SHC2: variants seen among roughly 807,000 people sequenced by gnomAD.
The protein encoded by SHC2 is SHC adaptor protein 2.
SHC2 carries 62 observed loss-of-function variants against 60.6 expected under a neutral mutation model. That is an observed-to-expected ratio of 1.02 (90% confidence interval 0.83 to 1.26). The LOEUF (loss-of-function observed/expected upper bound fraction) is 1.26, where lower values mean the gene tolerates loss of function less well. Among genes scored for constraint, SHC2 ranks in the 50% most tolerant of loss-of-function variants. SHC2 has a pLI of 0.00. For missense variants in SHC2, 873 were observed against 822.2 expected (o/e 1.06, Z -0.76); for synonymous variants, 375 against 372.4 (o/e 1.01, Z -0.08).
rs1391093273 is a variant in SHC2 at position 424,615 on chromosome 19, C to T, written c.1309+482G>A. Among the ~76,000 whole-genome samples, 2 of 152,148 alleles carry T rather than the reference C, an allele frequency of 1.3e-5. No individual in the cohort carries two copies. Among genetic ancestry groups the T allele is most frequent in the Non-Finnish European group, 2.9e-5 (2 of 68,026 alleles). On this transcript the variant is annotated intron_variant, in intron 10 of 12. Coordinates refer to ENST00000264554, the MANE Select transcript of SHC2 (RefSeq NM_012435.3). This position sits in a 1 kb window ranked among gnomAD's most constrained non-coding sequence, Gnocchi z 4.5. ...GAGGGCCTCACAGACGGGGCCGCAGCCTCCCACCACACTGACCATTCTTTC... is the reference window on the plus strand; with the variant it reads ...GAGGGCCTCACAGACGGGGCCGCAGTCTCCCACCACACTGACCATTCTTTC...
At chr19:437,079 A>G (rs1406712389) in intron 4 of SHC2, among the ~76,000 whole-genome samples, 1 of 151,512 alleles carries the variant, frequency 6.6e-6, no homozygotes, top group East Asian at 1.9e-4. Flanking sequence ...ACGGCCCCAC[A>G]CTCCTGACTC....
rs372572912 is a variant in SHC2 at position 417,989 on chromosome 19, G to A, written c.*6-667C>T. On this transcript the variant is annotated intron_variant, in intron 12 of 12. Coordinates refer to ENST00000264554, the MANE Select transcript of SHC2 (RefSeq NM_012435.3). ...CCCTGCCGGCCCTCCCTCCTCCCCG[G>A]CTGCTCTCTCAGCCTTCACTCCCTC... is the stretch of plus-strand genomic sequence containing the variant. Among the ~76,000 whole-genome samples the A allele has an allele frequency of 3.1e-4, 47 of 152,112 alleles. 1 individual carries two copies. The East Asian group carries it at 8.5e-3, about 28-fold the overall frequency.
Position 441,012 on chromosome 19 carries a change from C to T in SHC2, c.469-80G>A, listed in dbSNP as rs1009463353. On this transcript the variant is annotated intron_variant, in intron 1 of 12. Coordinates refer to ENST00000264554, the MANE Select transcript of SHC2 (RefSeq NM_012435.3). This position sits in a 1 kb window ranked among gnomAD's most constrained non-coding sequence, Gnocchi z 4.9. ...GTCCCTTTTCCCAGCAGCCCTTCGC[C>T]GCCTCCACCACCCCTGGGGTCGAGC... 2.3e-5 allele frequency: 36 copies of T among 1,544,884 alleles called. No individual in the cohort carries two copies. The African/African-American group carries it at 3.3e-4, about 14-fold the overall frequency.
At chr19:428,497 C>T (rs1185951128) in intron 9 of SHC2, among the ~76,000 whole-genome samples, 1 of 152,122 alleles carries the variant, frequency 6.6e-6, no homozygotes, top group Non-Finnish European at 1.5e-5. Flanking sequence ...TGATGTTTGC[C>T]CCATGGACAC....
rs1975252800 is a variant in SHC2, at chr19:453,549, G to A, written c.468+6980C>T. Among the ~76,000 whole-genome samples the A allele has an allele frequency of 6.6e-6, 1 of 152,142 alleles. No individual in the cohort carries two copies. The highest frequency in any genetic ancestry group is 6.5e-5 in the Admixed American group (1 of 15,272). On this transcript the variant is annotated intron_variant, in intron 1 of 12. Transcript: ENST00000264554. The surrounding 1 kb of genome is among the most constrained non-coding windows in gnomAD (Gnocchi z 6.3). Reference sequence around the variant, plus strand: ...GGTCTTCCAAAATGCTGGATTACAGGCGTGAGCCACCACGCCCGGCCAGAA... The same window carrying A: ...GGTCTTCCAAAATGCTGGATTACAGACGTGAGCCACCACGCCCGGCCAGAA...
At position 422,204 on chromosome 19, in the gene SHC2, AG is replaced by A; in HGVS notation, c.1561del (p.Leu521SerfsTer34). The stretch of plus-strand genomic sequence containing the variant: ...GGGCTGCCCGGCGTGCATGCCGGTG[AG>A]GACATACTGCCCGGGGTTGGTGACG... Reference protein sequence around the residue: ...DSVTNPGQYVLTGMHAGQPKH... With the variant: ...DSVTNPGQYVXTGMHAGQPKH... On this transcript the variant is annotated frameshift_variant, in exon 11 of 13. Coordinates refer to ENST00000264554, the MANE Select transcript of SHC2 (RefSeq NM_012435.3). LOFTEE classifies it high-confidence loss of function. This position sits in a 1 kb window ranked among gnomAD's most constrained non-coding sequence, Gnocchi z 5.0. 6.2e-7 allele frequency: 1 copy of A among 1,612,630 alleles called. No homozygotes were observed. The highest frequency in any genetic ancestry group is 8.5e-7 in the Non-Finnish European group (1 of 1,179,700).
At chr19:421,397 CAAAAAAAA>C (rs10582067) in intron 11 of SHC2, among the ~76,000 whole-genome samples, 1 of 120,148 alleles carries the variant, frequency 8.3e-6, no homozygotes, top group Non-Finnish European at 1.7e-5. Flanking sequence ...GAGACTCCAT[CAAAAAAAA>C]AAAAAAAAAA....
chr19:440,088 A>AACGCCATGCTCAGTGAGAG lies in SHC2; in HGVS notation c.539+755_539+773dup, dbSNP rs59080675. ...GGCCACAGCGCGGACACACCTCGGG[A>AACGCCATGCTCAGTGAGAG]ACGCCATGCTCAGTGAGAGACGCCA... On this transcript the variant is annotated intron_variant, in intron 2 of 12. Transcript: ENST00000264554. This position sits in a 1 kb window ranked among gnomAD's most constrained non-coding sequence, Gnocchi z 7.0. Among the ~76,000 whole-genome samples, 26,127 of 148,636 alleles carry AACGCCATGCTCAGTGAGAG rather than the reference A, an allele frequency of 0.18. 5,094 individuals are homozygous for AACGCCATGCTCAGTGAGAG. Among genetic ancestry groups the AACGCCATGCTCAGTGAGAG allele is most frequent in the African/African-American group, 0.46 (18,131 of 39,090 alleles).
chr19:418,359 G>A (rs1600266817), intron 12 of SHC2, among the ~76,000 whole-genome samples: 4 of 152,352 alleles, frequency 2.6e-5, no homozygotes, highest in Admixed American at 6.5e-5. Flanking sequence ...ATGGCTGCAC[G>A]CTGCCACCCT....
Position 436,192 on chromosome 19 carries a change from G to A in SHC2, c.926C>T (p.Pro309Leu), listed in dbSNP as rs117558087. 38 of 1,609,970 alleles carry A rather than the reference G, an allele frequency of 2.4e-5. No homozygotes were observed. The highest frequency in any genetic ancestry group is 6.7e-5 in the East Asian group (3 of 44,806). The stretch of plus-strand genomic sequence containing the variant: ...TTCTGGGGGCAGCGCCACCTTGGGC[G>A]GGCTGTGCAGGTACTGCTTGAAGCG... ...ELRFKQYLHS[P>L]PKVALPPERL... is the part of the protein sequence containing the mutation. The change falls in exon 7 of 13, where the codon CCG becomes CTG. Residue 309 changes from proline to leucine, a missense_variant. By Grantham distance (98) the Pro-to-Leu change is moderately conservative (BLOSUM62 -3). Transcript: ENST00000264554.
At chr19:437,205 C>T (rs1345123385) in intron 4 of SHC2, among the ~76,000 whole-genome samples, 2 of 152,010 alleles carry the variant, frequency 1.3e-5, no homozygotes, top group Non-Finnish European at 2.9e-5. Context: ...TCTACTTGCT[C>T]GTTTGCGTGG....
chr19:434,913 G>C, intron 7 of SHC2, 48 bp from the exon 8 acceptor site: 1 of 1,572,242 alleles, frequency 6.4e-7, no homozygotes, highest in African/African-American at 1.4e-5. Context: ...GCCCAAGGGG[G>C]CTAAAGCCTT....
intron 9 of SHC2, among the ~76,000 whole-genome samples, chr19:426,409 G>A (rs979454707): frequency 1.1e-4 from 15 of 142,616 alleles, no homozygotes; most frequent in Middle Eastern, 3.4e-3. Context: ...GGCAGAGTCC[G>A]GGGAGGGAGG....
intron 1 of SHC2, among the ~76,000 whole-genome samples, chr19:450,836 G>A (rs540674885): frequency 1.3e-5 from 2 of 150,800 alleles, no homozygotes; most frequent in South Asian, 4.4e-4. Flanking sequence ...TGTGTGGATG[G>A]CCACGCCATG....
At chr19:452,271 T>C (rs1975220214) in intron 1 of SHC2, among the ~76,000 whole-genome samples, 1 of 125,500 alleles carries the variant, frequency 8.0e-6, no homozygotes, top group Non-Finnish European at 1.6e-5. Flanking sequence ...CGTTTCTCCG[T>C]TTCATTGAGG....
chr19:422,194 C>T lies in SHC2; in HGVS notation c.1572G>A (p.Met524Ile), dbSNP rs780789742. The change falls in exon 11 of 13, where the codon ATG becomes ATA. Residue 524 changes from methionine (M) to isoleucine (I), a missense_variant. Coordinates refer to ENST00000264554, the MANE Select transcript of SHC2 (RefSeq NM_012435.3). The surrounding 1 kb of genome is among the most constrained non-coding windows in gnomAD (Gnocchi z 5.0). ...GCAGGTGCTTGGGCTGCCCGGCGTG[C>T]ATGCCGGTGAGGACATACTGCCCGG... Reference protein sequence around the residue: ...TNPGQYVLTGMHAGQPKHLLL... With the variant: ...TNPGQYVLTGIHAGQPKHLLL... 3.7e-6 allele frequency: 6 copies of T among 1,612,428 alleles called. No homozygotes were observed. The highest frequency in any genetic ancestry group is 5.1e-6 in the Non-Finnish European group (6 of 1,179,642).
chr19:431,005 C>G (rs930382442), intron 8 of SHC2, among the ~76,000 whole-genome samples: 1 of 152,210 alleles, frequency 6.6e-6, no homozygotes, highest in Non-Finnish European at 1.5e-5. Flanking sequence ...TGGCTGTTCC[C>G]CCTGCCTGGA....
intron 1 of SHC2, among the ~76,000 whole-genome samples, chr19:452,381 C>T (rs58071442): frequency 0.051 from 4,340 of 85,206 alleles, 313 homozygotes; most frequent in African/African-American, 0.14. Flanking sequence ...GGAATTCCTG[C>T]GTAGGTGTGC....
At chr19:459,304 G>A (rs1220884735) in intron 1 of SHC2, among the ~76,000 whole-genome samples, 1 of 124,580 alleles carries the variant, frequency 8.0e-6, no homozygotes, top group African/African-American at 2.8e-5. Flanking sequence ...AGCCAGCGTA[G>A]GGGGAAGGAC....
Sources: allele counts gnomAD v4.1 joint callset (sites outside exome capture counted in the v4.1 genomes callset), GRCh38; gene constraint gnomAD v4.1.1; non-coding constraint Gnocchi (gnomAD v3.1); transcripts MANE v1.5; gene names NCBI Gene and HGNC (gene_info 2026-07-23, HGNC 2026-07-21).